Variants in FAF1 observed in about 807,000 individuals in gnomAD.
FAF1 encodes FAS-associated factor 1.
A neutral mutation model predicts 92.5 loss-of-function variants in FAF1; 25 were observed. That is an observed-to-expected ratio of 0.27 (90% CI 0.20 to 0.38). The LOEUF (loss-of-function observed/expected upper bound fraction) is 0.38. Ranked by LOEUF, FAF1 falls within the 10% of genes least tolerant of loss-of-function variation. FAF1 has a pLI of 1.00. For missense variants in FAF1, 636 were observed against 793.3 expected (o/e 0.80, Z 2.38); for synonymous variants, 234 against 273.2 (o/e 0.86, Z 1.42).
chr1:50,588,817 C>T (rs1651367020), intron 9 of FAF1, among the ~76,000 whole-genome samples: 1 of 152,248 alleles, frequency 6.6e-6, no homozygotes. Context: ...CAGTGAAATG[C>T]ACATCCTCTG....
intron 7 of FAF1, among the ~76,000 whole-genome samples, chr1:50,681,177 G>C (rs1479257133): frequency 6.6e-6 from 1 of 152,068 alleles, no homozygotes; most frequent in African/African-American, 2.4e-5. Context: ...CTCCCAAGTA[G>C]CTAGGATTAC....
intron 1 of FAF1, among the ~76,000 whole-genome samples, chr1:50,886,387 T>C (rs1295775388): frequency 6.6e-6 from 1 of 152,190 alleles, no homozygotes; most frequent in African/African-American, 2.4e-5. Flanking sequence ...TTCAGCTTTT[T>C]AATTACTATA....
At chr1:50,653,446 G>GTTCA (rs1654956696) in intron 8 of FAF1, among the ~76,000 whole-genome samples, 1 of 152,146 alleles carries the variant, frequency 6.6e-6, no homozygotes, top group African/African-American at 2.4e-5. Flanking sequence ...CCCCTCCCAG[G>GTTCA]TTCAAGTGAT....
intron 1 of FAF1, among the ~76,000 whole-genome samples, chr1:50,888,149 G>A (rs954042723): frequency 2.0e-5 from 3 of 152,140 alleles, no homozygotes; most frequent in Admixed American, 6.5e-5. Flanking sequence ...AATTGTGAAT[G>A]GGAGTTCACT....
chr1:50,867,294 G>A (rs1204834775), intron 1 of FAF1, among the ~76,000 whole-genome samples: 3 of 151,992 alleles, frequency 2.0e-5, no homozygotes, highest in Admixed American at 2.0e-4. Context: ...TCATGACCAA[G>A]AACACAAAAG....
At chr1:50,446,293 G>A (rs1371285394) in intron 18 of FAF1, among the ~76,000 whole-genome samples, 1 of 152,146 alleles carries the variant, frequency 6.6e-6, no homozygotes, top group Non-Finnish European at 1.5e-5. Flanking sequence ...ACATCCTTCT[G>A]CCTCTCACTT....
intron 6 of FAF1, among the ~76,000 whole-genome samples, chr1:50,707,541 T>C (rs1657732454): frequency 6.6e-6 from 1 of 150,830 alleles, no homozygotes; most frequent in Non-Finnish European, 1.5e-5. Context: ...TCTATTAAAA[T>C]ACAAAAAAAA....
At chr1:50,558,311 G>GT (rs1649697401) in intron 13 of FAF1, among the ~76,000 whole-genome samples, 1 of 152,078 alleles carries the variant, frequency 6.6e-6, no homozygotes, top group Non-Finnish European at 1.5e-5. Flanking sequence ...TATAAAAACT[G>GT]TATGTTCTAA....
At chr1:50,731,604 G>T (rs1015452978) in intron 6 of FAF1, among the ~76,000 whole-genome samples, 5 of 151,924 alleles carry the variant, frequency 3.3e-5, no homozygotes, top group Non-Finnish European at 4.4e-5. Context: ...TCCTGACCTC[G>T]TGATCCGCCC....
chr1:50,758,613 T>C (rs987157461), intron 4 of FAF1, among the ~76,000 whole-genome samples: 3 of 152,226 alleles, frequency 2.0e-5, no homozygotes, highest in African/African-American at 7.2e-5. Flanking sequence ...GTGCTCTTCA[T>C]TTCTCTGTAT....
At chr1:50,534,275 T>G (rs1478859694) in intron 15 of FAF1, among the ~76,000 whole-genome samples, 1 of 152,128 alleles carries the variant, frequency 6.6e-6, no homozygotes, top group Admixed American at 6.6e-5. Context: ...GGGGTCTATA[T>G]TATCTTCTGC....
chr1:50,897,998 A>C (rs557711895), intron 1 of FAF1, among the ~76,000 whole-genome samples: 98 of 152,348 alleles, frequency 6.4e-4, no homozygotes, highest in South Asian at 3.7e-3. Context: ...CTGCAACTTG[A>C]AACAGTCACC....
intron 8 of FAF1, among the ~76,000 whole-genome samples, chr1:50,631,152 T>A (rs1017440155): frequency 5.3e-5 from 8 of 152,114 alleles, no homozygotes; most frequent in Non-Finnish European, 1.2e-4. Context: ...TCTAAACGCA[T>A]TTTTTTCCTA....
intron 18 of FAF1, chr1:50,461,542 G>A (rs1646430861): frequency 6.6e-6 from 1 of 152,142 alleles, no homozygotes; most frequent in Non-Finnish European, 1.5e-5. Flanking sequence ...AAATAAGACA[G>A]TATAGCTGCT....
At chr1:50,701,176 T>A (rs926842821) in intron 7 of FAF1, among the ~76,000 whole-genome samples, 16 of 152,104 alleles carry the variant, frequency 1.1e-4, no homozygotes, top group African/African-American at 3.9e-4. Flanking sequence ...TTTCAAATTT[T>A]AAAAAATCAA....
In FAF1 at chr1:50,841,755, AT is replaced by A. The variant is rs200717353; in HGVS notation, c.114+16173del. Among the ~76,000 whole-genome samples the A allele has an allele frequency of 4.3e-3, 650 of 152,032 alleles. 6 individuals are homozygous for A. Among genetic ancestry groups the A allele is most frequent in the African/African-American group, 0.014 (564 of 41,512 alleles). ...AAAAAATAAAAAGCCAGATAGTAAA[AT>A]TTTTTTTAAGTTATTAAGGTAAAAA... On this transcript the variant is annotated intron_variant, in intron 2 of 18. Coordinates refer to ENST00000396153, the MANE Select transcript of FAF1 (RefSeq NM_007051.3).
intron 4 of FAF1, among the ~76,000 whole-genome samples, chr1:50,748,365 C>T (rs1251557069): frequency 6.6e-6 from 1 of 151,912 alleles, no homozygotes; most frequent in Non-Finnish European, 1.5e-5. Flanking sequence ...GGCGTGGTGG[C>T]ACATGCCTGT....
At chr1:50,750,653 T>G (rs1344240923) in intron 4 of FAF1, among the ~76,000 whole-genome samples, 2 of 149,998 alleles carry the variant, frequency 1.3e-5, no homozygotes, top group Non-Finnish European at 3.0e-5. Flanking sequence ...TGAAACAGTA[T>G]CTCTCTGTTG....
At chr1:50,449,836 C>T (rs1373487586) in intron 18 of FAF1, among the ~76,000 whole-genome samples, 1 of 151,708 alleles carries the variant, frequency 6.6e-6, no homozygotes, top group East Asian at 2.0e-4. Flanking sequence ...ATTAGTTACT[C>T]TATTAGGAAA....
Sources: gnomAD v4.1 joint callset for allele counts (sites outside exome capture counted in the v4.1 genomes callset) on GRCh38, gnomAD v4.1.1 for gene constraint, MANE v1.5 for transcripts, NCBI Gene and HGNC (gene_info 2026-07-23, HGNC 2026-07-21) for gene names.